FCGR2B: variants seen among roughly 807,000 people sequenced by gnomAD.
The protein encoded by FCGR2B is low affinity immunoglobulin gamma Fc region receptor II-b.
In FCGR2B, 18 loss-of-function variants were observed where a neutral mutation model predicts 24.8. That is an observed-to-expected ratio of 0.73 (90% CI 0.50 to 1.08). The LOEUF is 1.08. FCGR2B is among the 50% of genes least tolerant of loss of function. The pLI is 0.00. For missense variants in FCGR2B, 215 were observed against 297.6 expected, an observed-to-expected ratio of 0.72 and a Z score of 2.04; for synonymous variants, 79 against 109.8, an observed-to-expected ratio of 0.72 and a Z score of 1.75.
At chr1:161,653,544 T>C in the FCGR2B span, among the ~76,000 whole-genome samples, 1 of 143,940 alleles carries the variant, frequency 6.9e-6, no homozygotes, top group African/African-American at 2.5e-5. Flanking sequence ...AAAATAGCTA[T>C]GAGTGACGTT....
At chr1:161,647,746 A>G in the FCGR2B span, among the ~76,000 whole-genome samples, 128 of 151,002 alleles carry the variant, frequency 8.5e-4, 6 homozygotes, top group East Asian at 0.024. Context: ...CTTTTGTTTC[A>G]ACAGAGGGCA....
At chr1:161,655,980 C>CTG in the FCGR2B span, among the ~76,000 whole-genome samples, 1 of 120,748 alleles carries the variant, frequency 8.3e-6, no homozygotes, top group Non-Finnish European at 1.9e-5. Flanking sequence ...CTCAGCCTTC[C>CTG]AAATAGTTGG....
At chr1:161,652,975 A>G in the FCGR2B span, among the ~76,000 whole-genome samples, 1 of 134,450 alleles carries the variant, frequency 7.4e-6, no homozygotes, top group African/African-American at 2.6e-5. Flanking sequence ...TTTCTAAAGT[A>G]TGTGCCTGCA....
At chr1:161,653,551 C>T in the FCGR2B span, among the ~76,000 whole-genome samples, 2 of 141,864 alleles carry the variant, frequency 1.4e-5, no homozygotes, top group Non-Finnish European at 3.1e-5. Flanking sequence ...CTATGAGTGA[C>T]GTTTATAGTT....
chr1:161,654,197 G>A, the FCGR2B span, among the ~76,000 whole-genome samples: 1 of 135,126 alleles, frequency 7.4e-6, no homozygotes, highest in African/African-American at 2.5e-5. Flanking sequence ...GTGTGGGGCT[G>A]TGACAGCTGT....
chr1:161,671,786 G>A (rs1681689049), intron 3 of FCGR2B, 137 bp downstream of exon 3: 1 of 1,498,356 alleles, frequency 6.7e-7, no homozygotes, highest in African/African-American at 1.4e-5. Context: ...GCACATATCA[G>A]TGGTTGTTTT....
Sources: allele counts gnomAD v4.1 joint callset (sites outside exome capture counted in the v4.1 genomes callset), GRCh38; gene constraint gnomAD v4.1.1; transcripts MANE v1.5; gene names NCBI Gene and HGNC (gene_info 2026-07-23, HGNC 2026-07-21).